DLG2: variants seen among roughly 807,000 people sequenced by gnomAD.
DLG2 encodes disks large homolog 2.
DLG2 carries 45 observed loss-of-function variants against 132.5 expected under a neutral mutation model. That is an observed-to-expected ratio of 0.34 (90% CI 0.27 to 0.44). DLG2 has a LOEUF of 0.44. Among genes scored for constraint, DLG2 ranks in the 20% least tolerant of loss-of-function variants. The pLI is 1.00. For missense variants in DLG2, 1,045 were observed against 1,196.9 expected (o/e 0.87, Z 1.87); for synonymous variants, 424 against 419.6 (o/e 1.01, Z -0.13).
chr11:84,120,970 T>TACA (rs1279596345), intron 9 of DLG2, among the ~76,000 whole-genome samples: 1 of 152,260 alleles, frequency 6.6e-6, no homozygotes, highest in East Asian at 1.9e-4. Flanking sequence ...GATTGTAAGC[T>TACA]ACAACACTAC....
chr11:84,618,007 G>T (rs1000252123), intron 6 of DLG2, among the ~76,000 whole-genome samples: 2 of 152,024 alleles, frequency 1.3e-5, no homozygotes, highest in South Asian at 2.1e-4. Flanking sequence ...AGTCTTGGGG[G>T]CTTAAAGAAC....
chr11:84,183,957 T>G (rs942052431), intron 8 of DLG2, among the ~76,000 whole-genome samples: 6 of 152,094 alleles, frequency 3.9e-5, no homozygotes, highest in African/African-American at 1.2e-4. Context: ...TGCCACATTT[T>G]CTTAATCCAG....
intron 2 of DLG2, among the ~76,000 whole-genome samples, chr11:85,606,373 A>T (rs901070340): frequency 4.6e-5 from 7 of 152,178 alleles, no homozygotes; most frequent in Admixed American, 3.9e-4. Context: ...TGCACCAATC[A>T]GTGCTCTGTG....
intron 3 of DLG2, among the ~76,000 whole-genome samples, chr11:85,325,499 C>A (rs1164335572): frequency 8.9e-5 from 12 of 135,260 alleles, no homozygotes; most frequent in African/African-American, 3.1e-4. Context: ...GAGGCACCCC[C>A]CAGCAGGGGC....
intron 22 of DLG2, among the ~76,000 whole-genome samples, chr11:83,479,748 T>C (rs1011088065): frequency 6.6e-6 from 1 of 152,098 alleles, no homozygotes; most frequent in African/African-American, 2.4e-5. Flanking sequence ...AGTTTTCTGA[T>C]CTAAGAAGAC....
intron 12 of DLG2, among the ~76,000 whole-genome samples, chr11:83,979,559 T>C (rs2092596043): frequency 6.6e-6 from 1 of 152,228 alleles, no homozygotes; most frequent in Admixed American, 6.6e-5. Context: ...TAATTTTGCT[T>C]TAGGTTATCA....
chr11:84,325,273 A>C (rs1331552028), intron 7 of DLG2, among the ~76,000 whole-genome samples: 1 of 152,074 alleles, frequency 6.6e-6, no homozygotes, highest in Non-Finnish European at 1.5e-5. Context: ...AAGGTTTTTT[A>C]CATAGGTATA....
At chr11:84,653,806 T>C (rs1240714651) in intron 6 of DLG2, among the ~76,000 whole-genome samples, 1 of 152,178 alleles carries the variant, frequency 6.6e-6, no homozygotes, top group Non-Finnish European at 1.5e-5. Context: ...GGCTCTTTCA[T>C]GCAATAACAG....
At chr11:83,586,954 T>C (rs577545738) in intron 19 of DLG2, among the ~76,000 whole-genome samples, 3 of 152,336 alleles carry the variant, frequency 2.0e-5, no homozygotes, top group Non-Finnish European at 2.9e-5. Context: ...GCTATTTTCC[T>C]TGACACTAGT....
chr11:83,644,049 C>A (rs117962626), intron 18 of DLG2, among the ~76,000 whole-genome samples: 45 of 152,188 alleles, frequency 3.0e-4, no homozygotes, highest in East Asian at 2.9e-3. Flanking sequence ...AATGAAAAGG[C>A]TTTGTTTGAG....
intron 11 of DLG2, among the ~76,000 whole-genome samples, chr11:83,985,188 T>C (rs1197998708): frequency 1.3e-5 from 2 of 152,042 alleles, no homozygotes; most frequent in African/African-American, 4.8e-5. Context: ...CTCTCTACCT[T>C]ATAAGACCTA....
At position 84,378,580 on chromosome 11, in the gene DLG2, G is replaced by C. The variant is rs529442644; in HGVS notation, c.520-127289C>G. 2.2e-4 allele frequency among the ~76,000 whole-genome samples: 34 copies of C among 151,944 alleles called. 1 individual carries two copies. The South Asian group carries it at 6.7e-3, about 30-fold the overall frequency. ...GCCTGAGAATTTGTAATCACAACTT[G>C]GCCCTTTTTTAAGATTTGGAACTCA... On this transcript the variant is annotated intron_variant, in intron 7 of 27. Transcript: ENST00000376104.
At chr11:83,688,674 T>C (rs2080279514) in intron 18 of DLG2, among the ~76,000 whole-genome samples, 1 of 152,216 alleles carries the variant, frequency 6.6e-6, no homozygotes, top group African/African-American at 2.4e-5. Context: ...TTAATATATA[T>C]TGATGTCATA....
intron 10 of DLG2, among the ~76,000 whole-genome samples, chr11:84,088,998 A>G (rs750461370): frequency 6.6e-6 from 1 of 152,212 alleles, no homozygotes; most frequent in Non-Finnish European, 1.5e-5. Flanking sequence ...AACATTTACC[A>G]TGATCATAGT....
chr11:85,000,643 A>G (rs923604533), intron 6 of DLG2, among the ~76,000 whole-genome samples: 2 of 152,302 alleles, frequency 1.3e-5, no homozygotes, highest in African/African-American at 2.4e-5. Flanking sequence ...AACTTACATC[A>G]AAGTGTTGCT....
chr11:83,555,147 G>A (rs2096489033), intron 19 of DLG2, among the ~76,000 whole-genome samples: 1 of 152,234 alleles, frequency 6.6e-6, no homozygotes, highest in Non-Finnish European at 1.5e-5. Context: ...GTGGGCAGAG[G>A]GAGCTGCACA....
chr11:83,943,367 C>A (rs2154140616), intron 14 of DLG2, among the ~76,000 whole-genome samples: 1 of 152,330 alleles, frequency 6.6e-6, no homozygotes, highest in African/African-American at 2.4e-5. Flanking sequence ...CAAAGATCCA[C>A]ACATTCTTAA....
At chr11:84,500,460 T>C (rs972855531) in intron 7 of DLG2, among the ~76,000 whole-genome samples, 5 of 152,052 alleles carry the variant, frequency 3.3e-5, no homozygotes, top group African/African-American at 1.2e-4. Context: ...ATTATAAAAC[T>C]AGGTTCAACC....
intron 8 of DLG2, among the ~76,000 whole-genome samples, chr11:84,230,845 G>C (rs1291839225): frequency 2.0e-5 from 3 of 152,120 alleles, no homozygotes; most frequent in Non-Finnish European, 4.4e-5. Flanking sequence ...AAATCATAAA[G>C]ACAACATGAG....
Sources: allele counts gnomAD v4.1 joint callset (sites outside exome capture counted in the v4.1 genomes callset), GRCh38; gene constraint gnomAD v4.1.1; transcripts MANE v1.5; gene names NCBI Gene and HGNC (gene_info 2026-07-23, HGNC 2026-07-21).